MALRD1: variants seen among roughly 807,000 people sequenced by gnomAD.
MALRD1 encodes the protein MAM and LDL-receptor class A domain-containing protein 1.
A neutral mutation model predicts 242.1 loss-of-function variants in MALRD1; 247 were observed. The ratio of observed to expected loss-of-function variants is 1.02; its 90% CI spans 0.92 to 1.13. The LOEUF (loss-of-function observed/expected upper bound fraction) is 1.13. Ranked by LOEUF, MALRD1 falls within the 50% of genes most tolerant of loss-of-function variation. The pLI, the probability that MALRD1 is intolerant of heterozygous loss-of-function variation, is 0.00. For synonymous variants in MALRD1, 995 were observed against 866.6 expected (o/e 1.15, Z -2.60); for missense variants, 2,989 against 2,533.1 (o/e 1.18, Z -3.86).
intron 32 of MALRD1, among the ~76,000 whole-genome samples, chr10:19,566,222 G>A (rs1307066663): frequency 6.6e-6 from 1 of 151,684 alleles, no homozygotes; most frequent in Non-Finnish European, 1.5e-5. Context: ...TCCACTTCCC[G>A]GGTTCACGCC....
intron 26 of MALRD1, among the ~76,000 whole-genome samples, chr10:19,377,384 C>A (rs1477963709): frequency 6.6e-6 from 1 of 152,076 alleles, no homozygotes; most frequent in Admixed American, 6.5e-5. Context: ...TGCCCTTAAG[C>A]TATTGGTAAT....
chr10:19,276,172 A>T (rs1183910410), intron 19 of MALRD1, among the ~76,000 whole-genome samples: 1 of 152,214 alleles, frequency 6.6e-6, no homozygotes, highest in Non-Finnish European at 1.5e-5. Flanking sequence ...AGAGCTTGAC[A>T]TCCTGCTTTG....
chr10:19,373,330 G>A (rs148569366), intron 26 of MALRD1, among the ~76,000 whole-genome samples: 16 of 151,450 alleles, frequency 1.1e-4, no homozygotes, highest in South Asian at 8.4e-4. Context: ...GTGAAACCCC[G>A]TCTCTACTAA....
intron 19 of MALRD1, among the ~76,000 whole-genome samples, chr10:19,262,025 C>T (rs1036794823): frequency 7.9e-5 from 12 of 151,960 alleles, no homozygotes; most frequent in Non-Finnish European, 1.8e-4. Flanking sequence ...AGTTTTTATG[C>T]CCTTAAATTA....
At position 19,062,512 on chromosome 10, in the gene MALRD1, A is replaced by G. The variant is rs535583487; in HGVS notation, c.200-4207A>G. Among the ~76,000 whole-genome samples, 10 of 152,352 alleles carry G rather than the reference A, an allele frequency of 6.6e-5. No individual in the cohort carries two copies. In the South Asian group the frequency reaches 1.7e-3, roughly 25 times the overall value. ...CAGCAGTGTTGTTCACAATAGCCCA[A>G]AGCTAAAAACCACTCAAGTGTCCAT... On this transcript the variant is annotated intron_variant, in intron 1 of 39. Transcript: ENST00000454679.
Position 19,403,113 on chromosome 10 carries a change from G to T in MALRD1, c.4845+13504G>T, listed in dbSNP as rs529154963. 1.6e-4 allele frequency among the ~76,000 whole-genome samples: 25 copies of T among 152,172 alleles called. No homozygotes were observed. In the East Asian group the frequency reaches 3.9e-3, roughly 23 times the overall value. On this transcript the variant is annotated intron_variant, in intron 28 of 39. Transcript: ENST00000454679. ...CAAAGTGGAAGATTTAGGGGAAATT[G>T]GAAGCTGATGATGGAATTATCTATG...
chr10:19,234,687 G>A (rs1838225686), intron 18 of MALRD1, among the ~76,000 whole-genome samples: 1 of 151,906 alleles, frequency 6.6e-6, no homozygotes, highest in Non-Finnish European at 1.5e-5. Flanking sequence ...TTTGTTCCTT[G>A]AAAATAGATC....
At chr10:19,218,509 G>A (rs1461920543) in intron 18 of MALRD1, among the ~76,000 whole-genome samples, 1 of 151,978 alleles carries the variant, frequency 6.6e-6, no homozygotes, top group African/African-American at 2.4e-5. Context: ...ATATTTATGT[G>A]GTTAATTTCA....
Position 19,369,623 on chromosome 10 carries a change from A to G in MALRD1, c.4441+17326A>G, listed in dbSNP as rs575374584. The stretch of plus-strand genomic sequence containing the variant: ...GCCGCATAAATATATTTAAATATAC[A>G]TAAGTATACAGATATATTTAAAAAA... On this transcript the variant is annotated intron_variant, in intron 26 of 39. Transcript: ENST00000454679. Among the ~76,000 whole-genome samples the G allele has an allele frequency of 5.2e-3, 580 of 111,452 alleles. 4 individuals are homozygous for G. The highest frequency in any genetic ancestry group is 8.0e-3 in the Non-Finnish European group (447 of 55,994). The allele number at this position is 111,452 out of a possible 152,430, so 73.1% of individuals were successfully genotyped here. A position where few individuals can be genotyped will look rare whatever the true frequency, so the allele number is the denominator to read the frequency against.
At chr10:19,514,542 G>A (rs1833545292) in intron 31 of MALRD1, among the ~76,000 whole-genome samples, 1 of 152,040 alleles carries the variant, frequency 6.6e-6, no homozygotes, top group African/African-American at 2.4e-5. Context: ...AAAATAAGAG[G>A]TTTTGAATAC....
chr10:19,602,952 A>G (rs528198520), intron 34 of MALRD1, among the ~76,000 whole-genome samples: 11 of 152,194 alleles, frequency 7.2e-5, no homozygotes, highest in African/African-American at 2.6e-4. Flanking sequence ...GCCAGTGATG[A>G]TGAGCATTTT....
chr10:19,123,322 T>A (rs1008828040), intron 5 of MALRD1, among the ~76,000 whole-genome samples, 170 bp from the exon 6 acceptor site: 4 of 151,322 alleles, frequency 2.6e-5, no homozygotes, highest in Non-Finnish European at 5.9e-5. Context: ...TGTGTGTGTG[T>A]GTGAGAGAGA....
chr10:19,463,124 A>C (rs1836028304), intron 29 of MALRD1, among the ~76,000 whole-genome samples: 1 of 152,042 alleles, frequency 6.6e-6, no homozygotes, highest in African/African-American at 2.4e-5. Flanking sequence ...AGCCTACCAC[A>C]ATTTCTTATA....
chr10:19,653,613 C>CTTCTTGCCTCTAGGAGACTTTGT (rs1564517939), intron 36 of MALRD1, among the ~76,000 whole-genome samples: 1 of 151,574 alleles, frequency 6.6e-6, no homozygotes, highest in African/African-American at 2.4e-5. Flanking sequence ...TTAATTTTTT[C>CTTCTTGCCTCTAGGAGACTTTGT]TTCTTGCCTC....
At position 19,168,936 on chromosome 10, in the gene MALRD1, A is replaced by T. The variant is rs543818843; in HGVS notation, c.1830+3126A>T. On this transcript the variant is annotated intron_variant, in intron 13 of 39. Transcript: ENST00000454679. ...TATGAGTTGGCTACAGCACACATTT[A>T]TTTGGGAAACTACAGATGAGTAAAA... is the stretch of plus-strand genomic sequence containing the variant. 2.0e-5 allele frequency among the ~76,000 whole-genome samples: 3 copies of T among 152,298 alleles called. No individual in the cohort carries two copies. The East Asian group carries it at 5.8e-4, about 29-fold the overall frequency.
chr10:19,348,465 G>C (rs1844228248), intron 25 of MALRD1, among the ~76,000 whole-genome samples: 1 of 151,438 alleles, frequency 6.6e-6, no homozygotes, highest in African/African-American at 2.4e-5. Context: ...AAAAATTGTT[G>C]AGTAAGTCTT....
intron 2 of MALRD1, 127 bp from the exon 3 acceptor site, chr10:19,087,713 C>A: frequency 6.9e-6 from 3 of 433,870 alleles, no homozygotes; most frequent in Non-Finnish European, 1.2e-5. Context: ...CAATCACGCT[C>A]TTTTAGTTAT....
intron 9 of MALRD1, among the ~76,000 whole-genome samples, chr10:19,135,621 G>A (rs1160954822): frequency 3.9e-5 from 6 of 152,146 alleles, no homozygotes; most frequent in Non-Finnish European, 8.8e-5. Context: ...TGTCCAGTAT[G>A]GTAGCCACTG....
chr10:19,638,240 A>G (rs1840234311), intron 36 of MALRD1, among the ~76,000 whole-genome samples: 1 of 152,068 alleles, frequency 6.6e-6, no homozygotes, highest in Non-Finnish European at 1.5e-5. Context: ...GTCACATGCC[A>G]AAGGCTACTT....
Sources: gnomAD v4.1 joint callset for allele counts (sites outside exome capture counted in the v4.1 genomes callset) on GRCh38, gnomAD v4.1.1 for gene constraint, MANE v1.5 for transcripts, NCBI Gene and HGNC (gene_info 2026-07-23, HGNC 2026-07-21) for gene names.